Variants in LRRK1 observed in about 807,000 individuals in gnomAD.
LRRK1 encodes leucine rich repeat kinase 1, also known as leucine-rich repeat serine/threonine-protein kinase 1.
A neutral mutation model predicts 209.1 loss-of-function variants in LRRK1; 113 were observed. The observed-to-expected ratio is 0.54, with a 90% confidence interval of 0.46 to 0.63. The LOEUF (loss-of-function observed/expected upper bound fraction) is 0.63. LRRK1 is among the 30% of genes least tolerant of loss of function. LRRK1 has a pLI of 0.00. For synonymous variants in LRRK1, 1,144 were observed against 1,099.7 expected (o/e 1.04, Z -0.80); for missense variants, 2,284 against 2,632.2 (o/e 0.87, Z 2.89).
intron 2 of LRRK1, among the ~76,000 whole-genome samples, chr15:100,964,388 T>C (rs1322856875): frequency 6.6e-6 from 1 of 152,176 alleles, no homozygotes; most frequent in East Asian, 1.9e-4. Flanking sequence ...AGAAGCATCC[T>C]TCCAGTGGAA....
chr15:100,929,384 A>G (rs2141596266), intron 2 of LRRK1, among the ~76,000 whole-genome samples: 1 of 152,248 alleles, frequency 6.6e-6, no homozygotes, highest in African/African-American at 2.4e-5. Context: ...CCAAAGGAGG[A>G]GAAGGAACAT....
At chr15:101,021,264 A>G in intron 13 of LRRK1, 82 bp downstream of exon 13, 1 of 1,482,754 alleles carries the variant, frequency 6.7e-7, no homozygotes, top group South Asian at 1.2e-5. Context: ...ACTGGGACAC[A>G]GAAAGCCAGG....
chr15:100,941,234 CTGTGTGTGTCTGTCTGTGTGTGT>C (rs2042396741), intron 2 of LRRK1, among the ~76,000 whole-genome samples: 1 of 127,444 alleles, frequency 7.8e-6, no homozygotes. Context: ...GTGTGTGTGT[CTGTGTGTGTCTGTCTGTGTGTGT>C]GTCTGTGTCT....
intron 29 of LRRK1, 56 bp downstream of exon 29, chr15:101,058,197 G>A (rs2035926021): frequency 2.6e-6 from 4 of 1,557,022 alleles, no homozygotes; most frequent in East Asian, 2.3e-5. Context: ...AGGCCGCCGT[G>A]GAATCTGGGA....
At chr15:100,922,977 C>T (rs1302467657) in intron 1 of LRRK1, among the ~76,000 whole-genome samples, 3 of 152,184 alleles carry the variant, frequency 2.0e-5, no homozygotes, top group Non-Finnish European at 4.4e-5. Context: ...ACAGCCTTGT[C>T]CTGTACCTTA....
At chr15:100,970,065 T>C (rs1168622452) in intron 2 of LRRK1, among the ~76,000 whole-genome samples, 1 of 152,136 alleles carries the variant, frequency 6.6e-6, no homozygotes, top group Non-Finnish European at 1.5e-5. Context: ...ATTTTTTGTA[T>C]TTTTAGTAGA....
At chr15:100,931,153 C>T (rs865837534) in intron 2 of LRRK1, among the ~76,000 whole-genome samples, 75 of 152,222 alleles carry the variant, frequency 4.9e-4, no homozygotes, top group African/African-American at 1.7e-3. Context: ...CCATGCTGCA[C>T]AAAGAAGCAC....
chr15:100,953,531 T>G (rs577225929), intron 2 of LRRK1, among the ~76,000 whole-genome samples: 17,326 of 141,930 alleles, frequency 0.12, 1,163 homozygotes, highest in African/African-American at 0.19. Context: ...TATATATATA[T>G]ATACACACAT....
At position 101,073,155 on chromosome 15, in the gene LRRK1, T is replaced by A. The variant is rs977755263; in HGVS notation, c.*4307T>A. The A allele has an allele frequency of 6.5e-6, 1 of 153,422 alleles. No individual in the cohort carries two copies. The highest frequency in any genetic ancestry group is 1.5e-5 in the Non-Finnish European group (1 of 68,912). 9.5% of individuals were successfully genotyped at this position (153,422 alleles called of 1,614,324 possible). ...TCCCTCAACCTCTTTCTCCTTTCAA[T>A]CTTGGCGCCACACTTCAATTTCTCC... On this transcript the variant is annotated 3_prime_UTR_variant, in exon 34 of 34. Coordinates refer to ENST00000388948, the MANE Select transcript of LRRK1 (RefSeq NM_024652.6).
chr15:100,973,758 G>A, intron 2 of LRRK1, 46 bp from the exon 3 acceptor site: 3 of 1,257,364 alleles, frequency 2.4e-6, no homozygotes, highest in Non-Finnish European at 3.0e-6. Flanking sequence ...AAGAGCACGC[G>A]GGCAGTGGGC....
chr15:100,924,611 A>C lies in LRRK1; in HGVS notation c.-22A>C, dbSNP rs765238828. ...TGACAACAGCGGGACCTGCCTTTGA[A>C]GATCGGCTGCTGCAAGGGTTGATGG... On this transcript the variant is annotated 5_prime_UTR_variant, in exon 2 of 34. Transcript: ENST00000388948. 1.9e-6 allele frequency: 3 copies of C among 1,612,372 alleles called. No homozygotes were observed. The East Asian group carries it at 6.7e-5, about 36-fold the overall frequency.
rs1198496632 is a variant in LRRK1 at position 101,071,105 on chromosome 15, G to A, written c.*2257G>A. On this transcript the variant is annotated 3_prime_UTR_variant, in exon 34 of 34. Transcript: ENST00000388948. Reference sequence around the variant, plus strand: ...GAAACAGTCTCCACAACAGTAAAATGTTGCTGGGATGGGCCCAGCATTCAG... The same window carrying A: ...GAAACAGTCTCCACAACAGTAAAATATTGCTGGGATGGGCCCAGCATTCAG... The A allele has an allele frequency of 6.6e-6, 1 of 152,230 alleles. No individual in the cohort carries two copies. The highest frequency in any genetic ancestry group is 2.4e-5 in the African/African-American group (1 of 41,458). The allele number at this position is 152,230 out of a possible 1,614,324, so 9.4% of individuals were successfully genotyped here.
chr15:100,960,048 AAT>A (rs1035643919), intron 2 of LRRK1, among the ~76,000 whole-genome samples: 2 of 152,112 alleles, frequency 1.3e-5, no homozygotes, highest in African/African-American at 4.8e-5. Flanking sequence ...TTAATATAAC[AAT>A]GTTGTTATAG....
At chr15:100,994,774 G>A (rs2032323698) in intron 6 of LRRK1, among the ~76,000 whole-genome samples, 2 of 152,160 alleles carry the variant, frequency 1.3e-5, no homozygotes, top group African/African-American at 2.4e-5. Flanking sequence ...CTTGGAGTGG[G>A]TGTGCCTGGC....
chr15:100,981,922 G>T (rs895937413), intron 3 of LRRK1, among the ~76,000 whole-genome samples: 1 of 152,236 alleles, frequency 6.6e-6, no homozygotes, highest in Non-Finnish European at 1.5e-5. Flanking sequence ...AAATGTGCTT[G>T]TCGGGGGCTG....
chr15:101,039,628 G>C (rs1301317455), intron 20 of LRRK1, among the ~76,000 whole-genome samples: 1 of 152,138 alleles, frequency 6.6e-6, no homozygotes, highest in Non-Finnish European at 1.5e-5. Context: ...GGTTTAAATA[G>C]AAGGGATGAG....
chr15:100,997,448 C>T (rs907620054), intron 6 of LRRK1, among the ~76,000 whole-genome samples: 3 of 152,100 alleles, frequency 2.0e-5, no homozygotes, highest in Non-Finnish European at 4.4e-5. Flanking sequence ...TCACAGATTC[C>T]AGCAAGTAAA....
chr15:100,930,731 A>T (rs1159099010), intron 2 of LRRK1, among the ~76,000 whole-genome samples: 6 of 152,298 alleles, frequency 3.9e-5, no homozygotes, highest in African/African-American at 1.4e-4. Context: ...GGAGATGTCC[A>T]TGTGGGCCTC....
intron 2 of LRRK1, among the ~76,000 whole-genome samples, chr15:100,953,127 C>T (rs576602504): frequency 4.6e-5 from 7 of 152,012 alleles, no homozygotes; most frequent in East Asian, 1.9e-4. Flanking sequence ...TTTGTGTGCC[C>T]GTGTGTATTA....
Sources: gnomAD v4.1 joint callset for allele counts (sites outside exome capture counted in the v4.1 genomes callset) on GRCh38, gnomAD v4.1.1 for gene constraint, MANE v1.5 for transcripts, NCBI Gene and HGNC (gene_info 2026-07-23, HGNC 2026-07-21) for gene names.